The following PCDHA4 variants were observed in gnomAD, a reference collection of about 807,000 sequenced individuals.
PCDHA4 encodes protocadherin alpha 4, also known as protocadherin alpha-4.
PCDHA4 carries 49 observed loss-of-function variants against 61.4 expected under a neutral mutation model. The ratio of observed to expected loss-of-function variants is 0.80; its 90% CI spans 0.63 to 1.01. PCDHA4 has a LOEUF of 1.01. Ranked by LOEUF, PCDHA4 falls within the 50% of genes least tolerant of loss-of-function variation. The pLI is 0.00. For synonymous variants in PCDHA4, 590 were observed against 550.3 expected (o/e 1.07, Z -1.01); for missense variants, 1,254 against 1,235.8 (o/e 1.01, Z -0.22).
At chr5:140,880,643 A>G (rs937655917) in intron 1 of PCDHA4, among the ~76,000 whole-genome samples, 1 of 152,198 alleles carries the variant, frequency 6.6e-6, no homozygotes, top group African/African-American at 2.4e-5. Context: ...TTCACTTGAG[A>G]GCCCAACTGA....
rs183711966 is a variant in PCDHA4 at position 140,861,816 on chromosome 5, C to G, written c.2385+52244C>G. 643 of 159,770 alleles carry G rather than the reference C, an allele frequency of 4.0e-3. 2 individuals carry two copies. The highest frequency in any genetic ancestry group is 5.6e-3 in the Non-Finnish European group (413 of 73,346). 9.9% of individuals were successfully genotyped at this position (159,770 alleles called of 1,614,324 possible). A position where few individuals can be genotyped will look rare whatever the true frequency, so the allele number is the denominator to read the frequency against. On this transcript the variant is annotated intron_variant, in intron 1 of 3. Coordinates refer to ENST00000530339, the MANE Select transcript of PCDHA4 (RefSeq NM_018907.4). ...TGAAGGTGTATTTTAAAAATTCTTT[C>G]AGATAGGTAAGTCACTTCAGAGCTA...
intron 1 of PCDHA4, among the ~76,000 whole-genome samples, chr5:140,832,117 A>G (rs1431640218): frequency 6.6e-6 from 1 of 152,252 alleles, no homozygotes; most frequent in African/African-American, 2.4e-5. Flanking sequence ...AGCAATTTAA[A>G]ATGTGTGTTT....
In PCDHA4 at chr5:140,927,607, C is replaced by G. The variant is rs558609705; in HGVS notation, c.2386-51342C>G. On this transcript the variant is annotated intron_variant, in intron 1 of 3. Transcript: ENST00000530339. ...GCCTGTATTTGAGCGCTCCGTATACCGCACCAAGGTTCCAGAGACTGCACC... is the reference window on the plus strand; with the variant it reads ...GCCTGTATTTGAGCGCTCCGTATACGGCACCAAGGTTCCAGAGACTGCACC... 1.5e-5 allele frequency: 24 copies of G among 1,614,180 alleles called. 1 individual carries two copies. In the South Asian group the frequency reaches 2.6e-4, roughly 18 times the overall value.
At chr5:140,942,860 G>T (rs1262172468) in intron 1 of PCDHA4, among the ~76,000 whole-genome samples, 15 of 151,964 alleles carry the variant, frequency 9.9e-5, no homozygotes, top group Admixed American at 9.8e-4. Context: ...TGATTATTTT[G>T]CTTTAGCATG....
Position 140,808,058 on chromosome 5 carries a change from T to A in PCDHA4, c.871T>A (p.Ser291Thr). The change falls in exon 1 of 4, where the codon TCC becomes ACC. Residue 291 changes from serine to threonine, a missense_variant. Ser to Thr is a moderately conservative substitution (Grantham distance 58). Coordinates refer to ENST00000530339, the MANE Select transcript of PCDHA4 (RefSeq NM_018907.4). ...FSNDISPNVK[S>T]KFHIDPITGQ... is the part of the protein sequence containing the mutation. ...AAATGATATTTCGCCAAATGTGAAATCCAAGTTTCACATAGATCCAATTAC... is the reference window on the plus strand; with the variant it reads ...AAATGATATTTCGCCAAATGTGAAAACCAAGTTTCACATAGATCCAATTAC... 3.7e-6 allele frequency: 6 copies of A among 1,613,892 alleles called. No individual in the cohort carries two copies. The highest frequency in any genetic ancestry group is 5.1e-6 in the Non-Finnish European group (6 of 1,179,828).
At chr5:140,829,284 T>A (rs2150165150) in intron 1 of PCDHA4, 2 of 1,614,254 alleles carry the variant, frequency 1.2e-6, no homozygotes, top group South Asian at 2.2e-5. Flanking sequence ...TTCAAGCTGG[T>A]GTCCACCTTC....
chr5:140,887,323 C>T (rs1209011082), intron 1 of PCDHA4, among the ~76,000 whole-genome samples: 5 of 152,084 alleles, frequency 3.3e-5, no homozygotes, highest in African/African-American at 1.2e-4. Context: ...GTCTCGAACT[C>T]CTGACCTCGT....
chr5:140,846,435 C>T (rs1355633400), intron 1 of PCDHA4, among the ~76,000 whole-genome samples: 1 of 133,632 alleles, frequency 7.5e-6, no homozygotes, highest in Non-Finnish European at 1.6e-5. Flanking sequence ...AATGCAGTGG[C>T]GCAATCTCGG....
At chr5:140,946,629 T>TATATATATATATAC (rs1367833800) in intron 1 of PCDHA4, among the ~76,000 whole-genome samples, 1 of 123,274 alleles carries the variant, frequency 8.1e-6, no homozygotes, top group Admixed American at 8.1e-5. Flanking sequence ...TATATATATA[T>TATATATATATATAC]ATACAATGGA....
At chr5:140,917,137 C>A (rs868951388) in intron 1 of PCDHA4, among the ~76,000 whole-genome samples, 4 of 152,208 alleles carry the variant, frequency 2.6e-5, no homozygotes, top group African/African-American at 4.8e-5. Context: ...CCACGTTGCT[C>A]AGCTGCTGCT....
chr5:140,996,814 G>T (rs1186688734), intron 3 of PCDHA4, among the ~76,000 whole-genome samples: 1 of 152,144 alleles, frequency 6.6e-6, no homozygotes, highest in African/African-American at 2.4e-5. Flanking sequence ...CTTTCCAAAA[G>T]TAACCACTAC....
rs2150350552 is a variant in PCDHA4 at position 140,843,029 on chromosome 5, G to A, written c.2385+33457G>A. ...CGCGCCGGCACTGCTGGAGCCTCGG[G>A]TGGGTGGCACTGGTGGCGCAGCGAG... On this transcript the variant is annotated intron_variant, in intron 1 of 3. Coordinates refer to ENST00000530339, the MANE Select transcript of PCDHA4 (RefSeq NM_018907.4). 4.4e-6 allele frequency: 7 copies of A among 1,595,258 alleles called. 1 individual carries two copies. Among genetic ancestry groups the A allele is most frequent in the Middle Eastern group, 1.7e-4 (1 of 5,902 alleles).
At chr5:140,967,972 G>A (rs781888174) in intron 1 of PCDHA4, 88 of 1,614,072 alleles carry the variant, frequency 5.5e-5, no homozygotes, top group Non-Finnish European at 7.3e-5. Flanking sequence ...AAGTGAGCCT[G>A]GGTCTGGAGG....
At chr5:140,918,515 T>C (rs1000500676) in intron 1 of PCDHA4, among the ~76,000 whole-genome samples, 1 of 152,224 alleles carries the variant, frequency 6.6e-6, no homozygotes, top group African/African-American at 2.4e-5. Flanking sequence ...TTTAAACTTA[T>C]TGAGGATTGT....
At position 140,836,487 on chromosome 5, in the gene PCDHA4, A is replaced by G. The variant is rs1774512813; in HGVS notation, c.2385+26915A>G. On this transcript the variant is annotated intron_variant, in intron 1 of 3. Transcript: ENST00000530339. The stretch of plus-strand genomic sequence containing the variant: ...GGTGGATGTCAACGTGTACCTGATC[A>G]TCGCCATCTGCGCGGTGTCCAGTCT... 1 of 1,613,880 alleles carries G rather than the reference A, an allele frequency of 6.2e-7. No individual in the cohort carries two copies. The highest frequency in any genetic ancestry group is 8.5e-7 in the Non-Finnish European group (1 of 1,179,854).
At chr5:140,863,749 G>A (rs1346198553) in intron 1 of PCDHA4, 2 of 245,258 alleles carry the variant, frequency 8.2e-6, no homozygotes, top group African/African-American at 2.2e-5. Context: ...TTGTAATCCC[G>A]GCACTTTGGG....
rs1234453098 is a variant in PCDHA4, at chr5:141,010,058, C to A, written c.*121C>A. 2 of 1,600,982 alleles carry A rather than the reference C, an allele frequency of 1.2e-6. No homozygotes were observed. The highest frequency in any genetic ancestry group is 1.7e-6 in the Non-Finnish European group (2 of 1,173,736). Reference sequence around the variant, plus strand: ...GAGCCCTCTTAGAGACCTCAGAAATCTGCAGAAAGTTCCCTGTGTCTGTCT... The same window carrying A: ...GAGCCCTCTTAGAGACCTCAGAAATATGCAGAAAGTTCCCTGTGTCTGTCT... On this transcript the variant is annotated 3_prime_UTR_variant, in exon 4 of 4. Transcript: ENST00000530339.
At chr5:140,917,242 T>C (rs564284004) in intron 1 of PCDHA4, among the ~76,000 whole-genome samples, 1 of 151,850 alleles carries the variant, frequency 6.6e-6, no homozygotes, top group African/African-American at 2.4e-5. Flanking sequence ...ATCTAGGTAC[T>C]ACGATTGCTC....
At chr5:140,848,041 T>C (rs1245564819) in intron 1 of PCDHA4, 2 of 159,606 alleles carry the variant, frequency 1.3e-5, no homozygotes, top group Admixed American at 5.9e-5. Context: ...CTCAATGGAA[T>C]CATTTTAATT....
Sources: gnomAD v4.1 joint callset for allele counts (sites outside exome capture counted in the v4.1 genomes callset) on GRCh38, gnomAD v4.1.1 for gene constraint, MANE v1.5 for transcripts, NCBI Gene and HGNC (gene_info 2026-07-23, HGNC 2026-07-21) for gene names.